The following RPS6KC1 variants were observed in gnomAD, a reference collection of about 807,000 sequenced individuals.
The protein encoded by RPS6KC1 is inactive ribosomal protein S6 kinase delta-1.
A neutral mutation model predicts 103.8 loss-of-function variants in RPS6KC1; 54 were observed. The observed-to-expected ratio is 0.52, with a 90% confidence interval of 0.42 to 0.65. The LOEUF is 0.65. Ranked by LOEUF, RPS6KC1 falls within the 30% of genes least tolerant of loss-of-function variation. The probability of loss-of-function intolerance (pLI) is 0.00; values close to 1 mark genes in which losing one functional copy is unlikely to be tolerated. For synonymous variants in RPS6KC1, 439 were observed against 438.7 expected (o/e 1.00, Z -0.01); for missense variants, 1,151 against 1,253.8 (o/e 0.92, Z 1.24).
chr1:213,114,958 T>C (rs1259634684), intron 4 of RPS6KC1, among the ~76,000 whole-genome samples: 2 of 152,214 alleles, frequency 1.3e-5, no homozygotes, highest in Non-Finnish European at 2.9e-5. Context: ...GGTTTGCCAG[T>C]ATTTTATTGA....
At chr1:213,230,985 A>G (rs1412807879) in intron 9 of RPS6KC1, among the ~76,000 whole-genome samples, 1 of 151,718 alleles carries the variant, frequency 6.6e-6, no homozygotes, top group East Asian at 1.9e-4. Flanking sequence ...TCCCCCCCCT[A>G]GGTTTTGAAT....
chr1:213,543,617 C>T, the RPS6KC1 span, among the ~76,000 whole-genome samples: 12 of 152,182 alleles, frequency 7.9e-5, no homozygotes, highest in Admixed American at 5.2e-4. Context: ...AGGATAAACG[C>T]GGATTTATTC....
chr1:213,580,464 G>A, the RPS6KC1 span, among the ~76,000 whole-genome samples: 1 of 152,096 alleles, frequency 6.6e-6, no homozygotes, highest in Non-Finnish European at 1.5e-5. Flanking sequence ...TTTAGAATAT[G>A]CCATAAACTT....
chr1:213,729,772 A>T, the RPS6KC1 span, among the ~76,000 whole-genome samples: 1 of 147,498 alleles, frequency 6.8e-6, no homozygotes, highest in Non-Finnish European at 1.5e-5. Flanking sequence ...ATGAATTGTT[A>T]TTTTTTTTTT....
the RPS6KC1 span, among the ~76,000 whole-genome samples, chr1:213,532,747 T>A: frequency 5.1e-3 from 780 of 152,258 alleles, 10 homozygotes; most frequent in African/African-American, 0.018. Flanking sequence ...CAGAGGGGGA[T>A]GTGCAGTGTC....
At chr1:213,724,788 T>C in the RPS6KC1 span, among the ~76,000 whole-genome samples, 1 of 152,330 alleles carries the variant, frequency 6.6e-6, no homozygotes, top group African/African-American at 2.4e-5. Context: ...TTAATCTCAT[T>C]ACTAACAAGT....
chr1:213,562,822 C>T, the RPS6KC1 span, among the ~76,000 whole-genome samples: 1 of 151,960 alleles, frequency 6.6e-6, no homozygotes, highest in African/African-American at 2.4e-5. Flanking sequence ...TGCCACTATC[C>T]CTAGATAAGT....
At chr1:213,664,192 CG>C in the RPS6KC1 span, among the ~76,000 whole-genome samples, 2 of 29,858 alleles carry the variant, frequency 6.7e-5, no homozygotes, top group African/African-American at 3.7e-4. Context: ...AAGAAATGAG[CG>C]GGGGGGCGGG....
chr1:213,726,964 A>G, the RPS6KC1 span, among the ~76,000 whole-genome samples: 1 of 152,160 alleles, frequency 6.6e-6, no homozygotes, highest in African/African-American at 2.4e-5. Context: ...AGGCACTTTT[A>G]ATCTTAGGGC....
chr1:213,157,268 C>T (rs2089993844), intron 6 of RPS6KC1, among the ~76,000 whole-genome samples: 1 of 150,758 alleles, frequency 6.6e-6, no homozygotes, highest in Admixed American at 6.6e-5. Flanking sequence ...GACTGGAGTG[C>T]AGTGGCACGA....
chr1:213,773,428 A>G, the RPS6KC1 span, among the ~76,000 whole-genome samples: 1 of 148,812 alleles, frequency 6.7e-6, no homozygotes, highest in South Asian at 2.1e-4. Context: ...ATATATCTAT[A>G]TCTATTATAT....
chr1:213,491,457 A>G, the RPS6KC1 span, among the ~76,000 whole-genome samples: 1 of 152,146 alleles, frequency 6.6e-6, no homozygotes, highest in Non-Finnish European at 1.5e-5. Flanking sequence ...GTGAGGTGGG[A>G]GGATCACTTG....
the RPS6KC1 span, among the ~76,000 whole-genome samples, chr1:213,359,452 C>T: frequency 0.031 from 4,785 of 152,214 alleles, 113 homozygotes; most frequent in African/African-American, 0.056. Context: ...ATGTGTGTCT[C>T]TGCAGGGGAG....
intron 8 of RPS6KC1, among the ~76,000 whole-genome samples, chr1:213,199,450 C>T (rs2093070442): frequency 6.6e-6 from 1 of 152,152 alleles, no homozygotes; most frequent in African/African-American, 2.4e-5. Flanking sequence ...TTCAACATTT[C>T]CTCAGGCTAA....
At chr1:213,137,394 C>T (rs924277143) in intron 6 of RPS6KC1, among the ~76,000 whole-genome samples, 42 of 151,760 alleles carry the variant, frequency 2.8e-4, no homozygotes, top group Non-Finnish European at 5.6e-4. Flanking sequence ...AGTGCAATGG[C>T]GCAATCTCGG....
At chr1:213,154,798 C>T (rs1249239845) in intron 6 of RPS6KC1, among the ~76,000 whole-genome samples, 1 of 152,188 alleles carries the variant, frequency 6.6e-6, no homozygotes, top group Non-Finnish European at 1.5e-5. Context: ...CTTTACTTTT[C>T]CCTCTGCTTT....
chr1:213,705,901 A>G, the RPS6KC1 span, among the ~76,000 whole-genome samples: 1 of 152,178 alleles, frequency 6.6e-6, no homozygotes, highest in Non-Finnish European at 1.5e-5. Flanking sequence ...CAGCCTAGAA[A>G]AAGGGCTTCA....
the RPS6KC1 span, among the ~76,000 whole-genome samples, chr1:213,359,719 T>C: frequency 1.3e-4 from 20 of 152,342 alleles, no homozygotes; most frequent in African/African-American, 4.6e-4. Flanking sequence ...CCATGTTTAG[T>C]GCTTCCTTCA....
chr1:213,674,857 T>C, the RPS6KC1 span, among the ~76,000 whole-genome samples: 1 of 152,200 alleles, frequency 6.6e-6, no homozygotes, highest in Non-Finnish European at 1.5e-5. Context: ...TGGTATCTCA[T>C]TGTGGTTCTG....
Sources: allele counts gnomAD v4.1 joint callset (sites outside exome capture counted in the v4.1 genomes callset), GRCh38; gene constraint gnomAD v4.1.1; transcripts MANE v1.5; gene names NCBI Gene and HGNC (gene_info 2026-07-23, HGNC 2026-07-21).